The following CDC42SE2 variants were observed in gnomAD, a reference collection of about 807,000 sequenced individuals.
CDC42SE2 encodes CDC42 small effector protein 2.
A neutral mutation model predicts 11.5 loss-of-function variants in CDC42SE2; 3 were observed. The observed-to-expected ratio is 0.26, with a 90% CI of 0.12 to 0.67. The LOEUF is 0.67. CDC42SE2 is among the 30% of genes least tolerant of loss of function. The pLI is 0.80. For synonymous variants in CDC42SE2, 33 were observed against 34.8 expected, an observed-to-expected ratio of 0.95 and a Z score of 0.18; for missense variants, 82 against 106.8, an observed-to-expected ratio of 0.77 and a Z score of 1.02.
intron 2 of CDC42SE2, among the ~76,000 whole-genome samples, chr5:131,326,026 TA>T (rs1433273356): frequency 1.3e-5 from 2 of 152,236 alleles, no homozygotes; most frequent in East Asian, 3.8e-4. Context: ...TCATTACTGT[TA>T]ACGTCTGAGT....
intron 2 of CDC42SE2, among the ~76,000 whole-genome samples, chr5:131,256,538 C>T (rs76341318): frequency 3.9e-5 from 6 of 152,322 alleles, no homozygotes; most frequent in South Asian, 4.1e-4. Flanking sequence ...TCTCTGCTCA[C>T]GGTATCAGGC....
rs1169386405 is a variant in CDC42SE2, at chr5:131,392,477, A to AAAG, written c.*1388_*1390dup. 1 of 152,538 alleles carries AAAG rather than the reference A, an allele frequency of 6.6e-6. No individual in the cohort carries two copies. Among genetic ancestry groups the AAAG allele is most frequent in the Non-Finnish European group, 1.5e-5 (1 of 68,044 alleles). The allele number at this position is 152,538 out of a possible 1,614,324, so 9.4% of individuals were successfully genotyped here. On this transcript the variant is annotated 3_prime_UTR_variant, in exon 5 of 5. Coordinates refer to ENST00000505065, the MANE Select transcript of CDC42SE2 (RefSeq NM_001375635.1). The stretch of plus-strand genomic sequence containing the variant: ...ACCAAGTCACATCATTTTCATAGAA[A>AAAG]AAGATTACTTGTAGCTTATTTTAGA...
At chr5:131,260,392 G>C (rs1028129994), upstream of CDC42SE2, among the ~76,000 whole-genome samples, 1 of 152,226 alleles carries the variant, frequency 6.6e-6, no homozygotes, top group Non-Finnish European at 1.5e-5. Context: ...GGAGGCTGGG[G>C]CGGGCGGATC....
chr5:131,235,920 T>C, the CDC42SE2 span, among the ~76,000 whole-genome samples: 1 of 152,194 alleles, frequency 6.6e-6, no homozygotes, highest in Admixed American at 6.5e-5. Context: ...TTACCAGCTA[T>C]CTGGCGTCCC....
At chr5:131,325,087 G>T (rs941766659) in intron 2 of CDC42SE2, among the ~76,000 whole-genome samples, 2 of 152,068 alleles carry the variant, frequency 1.3e-5, no homozygotes, top group African/African-American at 4.8e-5. Context: ...TGGTTGTTAC[G>T]TGTTTAGGTT....
At chr5:131,354,781 A>G (rs1487184419) in intron 2 of CDC42SE2, 4 of 152,208 alleles carry the variant, frequency 2.6e-5, no homozygotes, top group Admixed American at 6.5e-5. Context: ...TGAGCATCCA[A>G]ATCCAAAAAT....
intron 3 of CDC42SE2, among the ~76,000 whole-genome samples, chr5:131,366,880 T>G (rs7724519): frequency 6.6e-6 from 1 of 151,906 alleles, no homozygotes; most frequent in South Asian, 2.1e-4. Flanking sequence ...TTTTAAAAAT[T>G]AGCTGTGTGT....
At chr5:131,219,657 C>T in the CDC42SE2 span, among the ~76,000 whole-genome samples, 928 of 152,204 alleles carry the variant, frequency 6.1e-3, 9 homozygotes, top group African/African-American at 0.021. Context: ...GAAAAAGAGG[C>T]GAGGCATGGT....
intron 3 of CDC42SE2, among the ~76,000 whole-genome samples, chr5:131,368,296 G>A (rs908690122): frequency 3.3e-5 from 5 of 151,056 alleles, no homozygotes; most frequent in Non-Finnish European, 5.9e-5. Context: ...CTCCCCACTG[G>A]TATGCAGTGT....
At chr5:131,338,330 C>T (rs1014377497) in intron 2 of CDC42SE2, among the ~76,000 whole-genome samples, 35 of 152,150 alleles carry the variant, frequency 2.3e-4, no homozygotes, top group Admixed American at 2.0e-4. Flanking sequence ...CCATCAGTTC[C>T]TCAAGTCTAC....
At chr5:131,366,551 T>TTTTTTTTGTTTG (rs1463125031) in intron 3 of CDC42SE2, among the ~76,000 whole-genome samples, 1 of 151,882 alleles carries the variant, frequency 6.6e-6, no homozygotes, top group Non-Finnish European at 1.5e-5. Context: ...GATTGGAGGG[T>TTTTTTTTGTTTG]TTTTTTTGTT....
intron 1 of CDC42SE2, among the ~76,000 whole-genome samples, chr5:131,281,998 G>A (rs1757246428): frequency 6.6e-6 from 1 of 152,154 alleles, no homozygotes. Context: ...GAGCCACTTG[G>A]ACATTTCACT....
intron 1 of CDC42SE2, among the ~76,000 whole-genome samples, chr5:131,299,415 C>T (rs1233881485): frequency 6.6e-6 from 1 of 152,124 alleles, no homozygotes; most frequent in Non-Finnish European, 1.5e-5. Context: ...ACAAATAGAA[C>T]ATGGCCGTTT....
chr5:131,303,368 A>G lies in CDC42SE2; in HGVS notation c.-454-12608A>G, dbSNP rs547801897. Reference sequence around the variant, plus strand: ...TATTTAAGTACTTATTTTTCATTCAATGTCAGAGTGATTTAATAGGGTCAA... The same window carrying G: ...TATTTAAGTACTTATTTTTCATTCAGTGTCAGAGTGATTTAATAGGGTCAA... On this transcript the variant is annotated intron_variant, in intron 1 of 4. Coordinates refer to ENST00000505065, the MANE Select transcript of CDC42SE2 (RefSeq NM_001375635.1). 2.1e-3 allele frequency among the ~76,000 whole-genome samples: 322 copies of G among 152,348 alleles called. 1 individual carries two copies. Among genetic ancestry groups the G allele is most frequent in the Non-Finnish European group, 3.7e-3 (255 of 68,032 alleles).
intron 2 of CDC42SE2, among the ~76,000 whole-genome samples, chr5:131,321,058 G>A (rs561039405): frequency 2.6e-5 from 4 of 152,170 alleles, no homozygotes; most frequent in Non-Finnish European, 5.9e-5. Flanking sequence ...ATTAGAGGGA[G>A]TATAAGTTGG....
At chr5:131,229,002 A>G in the CDC42SE2 span, among the ~76,000 whole-genome samples, 1 of 152,198 alleles carries the variant, frequency 6.6e-6, no homozygotes, top group Non-Finnish European at 1.5e-5. Flanking sequence ...GGGCAGCTGG[A>G]GCAGACTAAT....
intron 1 of CDC42SE2, among the ~76,000 whole-genome samples, chr5:131,277,691 A>G (rs1272283195): frequency 1.3e-5 from 2 of 152,120 alleles, no homozygotes; most frequent in African/African-American, 2.4e-5. Flanking sequence ...CCTTTGTTTG[A>G]AATGGTGTTT....
At chr5:131,229,562 T>G in the CDC42SE2 span, among the ~76,000 whole-genome samples, 1 of 152,140 alleles carries the variant, frequency 6.6e-6, no homozygotes, top group African/African-American at 2.4e-5. Flanking sequence ...GCTAATTTAC[T>G]CAGTAATTGT....
chr5:131,346,455 G>A (rs916796254), intron 2 of CDC42SE2, among the ~76,000 whole-genome samples: 17 of 152,140 alleles, frequency 1.1e-4, no homozygotes, highest in African/African-American at 4.1e-4. Context: ...AGAGCTAACT[G>A]TCCTAAATAT....
Sources: gnomAD v4.1 joint callset for allele counts (sites outside exome capture counted in the v4.1 genomes callset) on GRCh38, gnomAD v4.1.1 for gene constraint, MANE v1.5 for transcripts, NCBI Gene and HGNC (gene_info 2026-07-23, HGNC 2026-07-21) for gene names.